Variants in CDK5RAP2 observed in about 807,000 individuals in gnomAD.
The protein encoded by CDK5RAP2 is CDK5 regulatory subunit associated protein 2.
In CDK5RAP2, 147 loss-of-function variants were observed where a neutral mutation model predicts 232.9. The observed-to-expected ratio is 0.63, with a 90% CI of 0.55 to 0.72. The LOEUF (loss-of-function observed/expected upper bound fraction) is 0.72, where lower values mean the gene tolerates loss of function less well. CDK5RAP2 is among the 30% of genes least tolerant of loss of function. The pLI is 0.00. For missense variants in CDK5RAP2, 2,195 were observed against 2,231.5 expected (o/e 0.98, Z 0.33); for synonymous variants, 833 against 833.7 (o/e 1.00, Z 0.01).
chr9:120,506,635 T>C (rs193142445), intron 12 of CDK5RAP2, among the ~76,000 whole-genome samples: 5 of 152,328 alleles, frequency 3.3e-5, no homozygotes, highest in East Asian at 1.9e-4. Context: ...TTGGAAGAAT[T>C]TGATTCCAAC....
chr9:120,496,814 C>A (rs1197693176), intron 12 of CDK5RAP2, among the ~76,000 whole-genome samples: 3 of 140,594 alleles, frequency 2.1e-5, no homozygotes, highest in African/African-American at 5.9e-5. Flanking sequence ...GCCCGGCCAG[C>A]CGCCCCGTCC....
intron 18 of CDK5RAP2, among the ~76,000 whole-genome samples, chr9:120,466,013 T>G (rs978506994): frequency 3.3e-5 from 5 of 152,204 alleles, no homozygotes; most frequent in Admixed American, 2.6e-4. Context: ...TAGGGGTAAT[T>G]TATTCTCTCT....
intron 19 of CDK5RAP2, among the ~76,000 whole-genome samples, chr9:120,460,190 T>C (rs2037005830): frequency 6.6e-6 from 1 of 152,302 alleles, no homozygotes; most frequent in South Asian, 2.1e-4. Context: ...AGGGTTCTTA[T>C]CCCAACTCTA....
chr9:120,565,148 T>C (rs2042603811), intron 3 of CDK5RAP2, among the ~76,000 whole-genome samples: 1 of 152,208 alleles, frequency 6.6e-6, no homozygotes, highest in Admixed American at 6.5e-5. Context: ...ATTGCTTTGA[T>C]AGAAGACCTG....
In CDK5RAP2 at chr9:120,437,481, G is replaced by A. The variant is rs185208659; in HGVS notation, c.3769C>T (p.Arg1257Trp). ...CCATGGCCATCCTTAATCTGCTGCC[G>A]TTGAAGGGAGAGCTCCCTGGCTTGG... ...QSQARELSLQ[R>W]QQIKDGHGIC... Residue 1257 changes from arginine to tryptophan, a missense_variant, in exon 25 of 38, where the codon CGG (arginine) becomes TGG (tryptophan). Arg to Trp is a moderately radical substitution (Grantham distance 101). Transcript: ENST00000349780. 112 of 1,614,094 alleles carry A rather than the reference G, an allele frequency of 6.9e-5. 1 individual carries two copies. The East Asian group carries it at 1.6e-3, about 23-fold the overall frequency.
intron 20 of CDK5RAP2, among the ~76,000 whole-genome samples, chr9:120,454,965 C>T (rs531853691): frequency 6.6e-6 from 1 of 152,332 alleles, no homozygotes; most frequent in South Asian, 2.1e-4. Flanking sequence ...ATCCATATCT[C>T]AGGCTCTGCT....
chr9:120,460,966 A>T (rs1192877265), intron 18 of CDK5RAP2, among the ~76,000 whole-genome samples: 1 of 152,242 alleles, frequency 6.6e-6, no homozygotes, highest in Non-Finnish European at 1.5e-5. Context: ...GCCGTAAATT[A>T]AAAATGCCGT....
chr9:120,536,247 A>T, intron 7 of CDK5RAP2, 125 bp downstream of exon 7: 3 of 982,438 alleles, frequency 3.1e-6, no homozygotes, highest in Non-Finnish European at 3.2e-6. Flanking sequence ...TGTTCCCATT[A>T]GTCACTCAAG....
At position 120,487,315 on chromosome 9, in the gene CDK5RAP2, G is replaced by T. The variant is rs185047979; in HGVS notation, c.1605C>A (p.Gly535=). The change falls in exon 14 of 38, where the codon GGC becomes GGA. Residue 535 remains glycine, a synonymous_variant. Transcript: ENST00000349780. Reference sequence around the variant, plus strand: ...TTACCTTAGAGAAGATGGTTTTGCTGCCTGGTGGCTGTTGAGAAGAGCACT... The same window carrying T: ...TTACCTTAGAGAAGATGGTTTTGCTTCCTGGTGGCTGTTGAGAAGAGCACT... The part of the protein sequence containing the change: ...TEKCSSQQPP[G]SKTIFSKEKK... 6 of 1,614,092 alleles carry T rather than the reference G, an allele frequency of 3.7e-6. No individual in the cohort carries two copies. In the African/African-American group the frequency reaches 8.0e-5, roughly 22 times the overall value.
At chr9:120,568,952 C>A (rs552685121) in intron 2 of CDK5RAP2, among the ~76,000 whole-genome samples, 47 of 152,316 alleles carry the variant, frequency 3.1e-4, no homozygotes, top group Non-Finnish European at 3.2e-4. Flanking sequence ...GGACCGGAAA[C>A]TGCTGACCTG....
Position 120,513,967 on chromosome 9 carries a change from T to C in CDK5RAP2, c.1311+4460A>G, listed in dbSNP as rs79258253. On this transcript the variant is annotated intron_variant, in intron 12 of 37. Transcript: ENST00000349780. ...CACCTGTACATTTATCCTAGCACCATAATGCAAAGACACCACCCCACCATG... is the reference window on the plus strand; with the variant it reads ...CACCTGTACATTTATCCTAGCACCACAATGCAAAGACACCACCCCACCATG... Among the ~76,000 whole-genome samples, 4 of 152,284 alleles carry C rather than the reference T, an allele frequency of 2.6e-5. No individual in the cohort carries two copies. In the East Asian group the frequency reaches 5.8e-4, roughly 22 times the overall value.
At chr9:120,507,806 C>A (rs1374393423) in intron 12 of CDK5RAP2, among the ~76,000 whole-genome samples, 1 of 149,302 alleles carries the variant, frequency 6.7e-6, no homozygotes, top group Non-Finnish European at 1.5e-5. Context: ...AATTTCTACA[C>A]TAATGGGCAA....
chr9:120,568,969 A>C (rs1296415113), intron 2 of CDK5RAP2, among the ~76,000 whole-genome samples: 1 of 152,236 alleles, frequency 6.6e-6, no homozygotes, highest in African/African-American at 2.4e-5. Flanking sequence ...CCTGTTTTAA[A>C]GACTATGGCA....
intron 17 of CDK5RAP2, among the ~76,000 whole-genome samples, chr9:120,469,317 C>T (rs190028036): frequency 6.6e-6 from 1 of 152,156 alleles, no homozygotes; most frequent in Non-Finnish European, 1.5e-5. Context: ...CTCACCCCCC[C>T]ATCTCCCATA....
chr9:120,535,647 A>T (rs1266917408), intron 7 of CDK5RAP2, among the ~76,000 whole-genome samples: 1 of 152,242 alleles, frequency 6.6e-6, no homozygotes, highest in Non-Finnish European at 1.5e-5. Flanking sequence ...ATCATAATGT[A>T]AGGTTTATGG....
intron 3 of CDK5RAP2, among the ~76,000 whole-genome samples, chr9:120,562,593 A>G (rs1368798189): frequency 6.6e-6 from 1 of 150,794 alleles, no homozygotes; most frequent in Non-Finnish European, 1.5e-5. Flanking sequence ...CAATTCTTAC[A>G]CTCCTGCCAT....
chr9:120,467,992 A>T lies in CDK5RAP2; in HGVS notation c.1974T>A (p.Ser658Arg), dbSNP rs754219934. ...GCTCCTTCACTAGCTGTATAAGGTC[A>T]CTGACCTAGGAGGTAAGAACAGGGA... Reference protein sequence around the residue: ...FSQEELKKKVSDLIQLVKELY... With the variant: ...FSQEELKKKVRDLIQLVKELY... The change falls in exon 18 of 38, where the codon AGT becomes AGA. Residue 658 changes from serine (S) to arginine (R), a missense_variant. Physicochemically the swap from Ser to Arg is moderately radical, Grantham distance 110. Transcript: ENST00000349780. 6.2e-7 allele frequency: 1 copy of T among 1,614,064 alleles called. No homozygotes were observed. The highest frequency in any genetic ancestry group is 2.2e-5 in the East Asian group (1 of 44,884).
Position 120,539,056 on chromosome 9 carries a change from T to A in CDK5RAP2, c.492A>T (p.Ile164=). 6.2e-7 allele frequency: 1 copy of A among 1,613,848 alleles called. No homozygotes were observed. Among genetic ancestry groups the A allele is most frequent in the Non-Finnish European group, 8.5e-7 (1 of 1,179,892 alleles). The change falls in exon 6 of 38, where the codon ATA becomes ATT. Residue 164 remains isoleucine (I), a synonymous_variant. Transcript: ENST00000349780. The part of the protein sequence containing the change: ...QQVEDLLTKR[I]LLLEKDVTAA... Reference sequence around the variant, plus strand: ...CCAGACTTGCCTTTTCCAAAAGGAGTATTCTTTTAGTTAGGAGATCTTCCA... The same window carrying A: ...CCAGACTTGCCTTTTCCAAAAGGAGAATTCTTTTAGTTAGGAGATCTTCCA...
intron 9 of CDK5RAP2, among the ~76,000 whole-genome samples, chr9:120,528,207 ACAGT>A (rs1392617543): frequency 6.6e-6 from 1 of 152,276 alleles, no homozygotes; most frequent in Admixed American, 6.5e-5. Flanking sequence ...GAATTTGAAT[ACAGT>A]CAGTCAGAGT....
Sources: allele counts gnomAD v4.1 joint callset (sites outside exome capture counted in the v4.1 genomes callset), GRCh38; gene constraint gnomAD v4.1.1; transcripts MANE v1.5; gene names NCBI Gene and HGNC (gene_info 2026-07-23, HGNC 2026-07-21).